ADGRG6: variants seen among roughly 807,000 people sequenced by gnomAD.
ADGRG6 encodes the protein G-protein coupled receptor 126.
Under a neutral mutation model 142.4 loss-of-function variants are expected in ADGRG6, and 84 were observed. The ratio of observed to expected loss-of-function variants is 0.59; its 90% confidence interval spans 0.49 to 0.71. ADGRG6 has a LOEUF of 0.71. ADGRG6 is among the 30% of genes least tolerant of loss of function. The pLI, the probability that ADGRG6 is intolerant of heterozygous loss-of-function variation, is 0.00. For synonymous variants in ADGRG6, 521 were observed against 520.5 expected, an observed-to-expected ratio of 1.00 and a Z score of -0.01; for missense variants, 1,367 against 1,466.6, an observed-to-expected ratio of 0.93 and a Z score of 1.11.
chr6:142,302,707 G>A (rs1346622117), intron 1 of ADGRG6: 2 of 263,454 alleles, frequency 7.6e-6, no homozygotes, highest in Non-Finnish European at 1.4e-5. Flanking sequence ...CCAAGAAGGC[G>A]CTCTCCGGAA....
intron 2 of ADGRG6, among the ~76,000 whole-genome samples, chr6:142,331,363 C>A (rs994357264): frequency 3.9e-5 from 6 of 152,018 alleles, no homozygotes; most frequent in Admixed American, 1.3e-4. Flanking sequence ...CCTAGTGAGA[C>A]ATATCCTGCA....
intron 2 of ADGRG6, among the ~76,000 whole-genome samples, chr6:142,337,708 T>C (rs983976687): frequency 8.5e-5 from 13 of 152,122 alleles, no homozygotes; most frequent in African/African-American, 2.9e-4. Flanking sequence ...GGTCTGTAAA[T>C]GTTGGTTGCA....
rs566018922 is a variant in ADGRG6 at position 142,371,474 on chromosome 6, G to GT, written c.1069+690dup. On this transcript the variant is annotated intron_variant, in intron 4 of 24. Coordinates refer to ENST00000367609, the MANE Select transcript of ADGRG6 (RefSeq NM_198569.3). Reference sequence around the variant, plus strand: ...GAGCCACCCTGCCTGGCCAGTTACTGTTTTTTTTTGTTTTTTTTTTTTTTT... The same window carrying GT: ...GAGCCACCCTGCCTGGCCAGTTACTGTTTTTTTTTTGTTTTTTTTTTTTTTT... Among the ~76,000 whole-genome samples the GT allele has an allele frequency of 2.3e-3, 251 of 108,148 alleles. 2 individuals carry two copies. The highest frequency in any genetic ancestry group is 4.1e-3 in the Admixed American group (45 of 11,032). The allele number at this position is 108,148 out of a possible 152,430, so 70.9% of individuals were successfully genotyped here.
rs907123735 is a variant in ADGRG6, at chr6:142,446,025, C to G, written c.*2510C>G. Reference sequence around the variant, plus strand: ...TATGTCAATTGGTTTCCTTTCTTAGCTTGATATTGCCTAGCTTTGTTGTTT... The same window carrying G: ...TATGTCAATTGGTTTCCTTTCTTAGGTTGATATTGCCTAGCTTTGTTGTTT... On this transcript the variant is annotated 3_prime_UTR_variant, in exon 25 of 25. Coordinates refer to ENST00000367609, the MANE Select transcript of ADGRG6 (RefSeq NM_198569.3). The G allele has an allele frequency of 1.8e-4, 27 of 152,458 alleles. No individual in the cohort carries two copies. The highest frequency in any genetic ancestry group is 6.3e-4 in the African/African-American group (26 of 41,402). 9.4% of individuals were successfully genotyped at this position (152,458 alleles called of 1,614,324 possible). A position where few individuals can be genotyped will look rare whatever the true frequency, so the allele number is the denominator to read the frequency against.
At position 142,394,007 on chromosome 6, in the gene ADGRG6, A is replaced by G. The variant is rs1583083987; in HGVS notation, c.1424+49A>G. On this transcript the variant is annotated intron_variant, in intron 9 of 24. Coordinates refer to ENST00000367609, the MANE Select transcript of ADGRG6 (RefSeq NM_198569.3). Reference sequence around the variant, plus strand: ...GAGTATAACATTCTTTCTCTTGCTCACTACTTTATCTGGTAGAGAAATGAA... The same window carrying G: ...GAGTATAACATTCTTTCTCTTGCTCGCTACTTTATCTGGTAGAGAAATGAA... 3.5e-6 allele frequency: 4 copies of G among 1,142,454 alleles called. No individual in the cohort carries two copies. In the East Asian group the frequency reaches 1.0e-4, roughly 29 times the overall value. 70.8% of individuals were successfully genotyped at this position (1,142,454 alleles called of 1,614,324 possible). A position where few individuals can be genotyped will look rare whatever the true frequency, so the allele number is the denominator to read the frequency against.
intron 4 of ADGRG6, among the ~76,000 whole-genome samples, chr6:142,378,052 A>G (rs571464921): frequency 7.9e-5 from 12 of 152,320 alleles, no homozygotes; most frequent in African/African-American, 2.4e-4. Flanking sequence ...AAATACTGAG[A>G]AGTAATTGTT....
At chr6:142,359,203 TAAAA>T (rs397885145) in intron 2 of ADGRG6, among the ~76,000 whole-genome samples, 2 of 57,280 alleles carry the variant, frequency 3.5e-5, no homozygotes, top group Non-Finnish European at 8.1e-5. Flanking sequence ...CAAGACCCTA[TAAAA>T]AAAAAAAAAA....
chr6:142,306,976 A>G (rs1237665534), intron 1 of ADGRG6, among the ~76,000 whole-genome samples: 1 of 152,126 alleles, frequency 6.6e-6, no homozygotes, highest in Non-Finnish European at 1.5e-5. Context: ...GTCTGGAGAC[A>G]TGGAATGCCT....
intron 2 of ADGRG6, among the ~76,000 whole-genome samples, chr6:142,331,135 T>TAA (rs397975741): frequency 4.4e-4 from 62 of 141,580 alleles, no homozygotes; most frequent in South Asian, 9.2e-4. Context: ...AGAAAAGAGT[T>TAA]AAAAAAAAAA....
intron 4 of ADGRG6, among the ~76,000 whole-genome samples, chr6:142,373,390 C>A (rs1306889733): frequency 6.6e-6 from 1 of 151,602 alleles, no homozygotes; most frequent in Non-Finnish European, 1.5e-5. Context: ...TTGTTTCAAA[C>A]AAATAATATT....
intron 11 of ADGRG6, among the ~76,000 whole-genome samples, chr6:142,401,275 A>G (rs1035448715): frequency 3.3e-5 from 5 of 152,212 alleles, no homozygotes; most frequent in African/African-American, 1.2e-4. Context: ...TGAGTTTGAA[A>G]TGTGGCTCCA....
rs200239701 is a variant in ADGRG6, at chr6:142,416,142, T to TA, written c.2938+87dup. 2,429 of 1,022,076 alleles carry TA rather than the reference T, an allele frequency of 2.4e-3. 21 individuals carry two copies. In the African/African-American group the frequency reaches 0.025, roughly 10 times the overall value. The allele number at this position is 1,022,076 out of a possible 1,614,324, so 63.3% of individuals were successfully genotyped here. On this transcript the variant is annotated intron_variant, in intron 20 of 24. Transcript: ENST00000367609. ...GATTCTCATAGGAAAAAATCTTATT[T>TA]AAAAAAAAATAGTACCATTAAGAGG...
rs112923600 is a variant in ADGRG6, at chr6:142,413,899, TCACACA to T, written c.2542-1037_2542-1032del. On this transcript the variant is annotated intron_variant, in intron 18 of 24. Coordinates refer to ENST00000367609, the MANE Select transcript of ADGRG6 (RefSeq NM_198569.3). ...CCTGAAACTAACCCACATTTCTTTA[TCACACA>T]CACACACACACACACACACACACAC... Among the ~76,000 whole-genome samples the T allele has an allele frequency of 5.2e-3, 738 of 141,480 alleles. 3 individuals are homozygous for T. Among genetic ancestry groups the T allele is most frequent in the African/African-American group, 0.014 (542 of 38,200 alleles). 92.8% of individuals were successfully genotyped at this position (141,480 alleles called of 152,430 possible).
intron 4 of ADGRG6, among the ~76,000 whole-genome samples, chr6:142,379,057 C>T (rs1006294861): frequency 2.0e-5 from 3 of 152,164 alleles, no homozygotes; most frequent in African/African-American, 7.2e-5. Context: ...CCTGGCTACA[C>T]CTCTTACAAA....
intron 3 of ADGRG6, among the ~76,000 whole-genome samples, chr6:142,368,597 A>G (rs1272520419): frequency 1.3e-5 from 2 of 151,970 alleles, no homozygotes; most frequent in African/African-American, 2.4e-5. Flanking sequence ...AGGTACAACT[A>G]TAAAAATGAC....
At chr6:142,440,846 A>C (rs1349524304) in intron 24 of ADGRG6, 10 of 824,416 alleles carry the variant, frequency 1.2e-5, no homozygotes, top group Non-Finnish European at 1.8e-5. Context: ...GCATATCATC[A>C]TGGATATCTA....
chr6:142,334,778 CTG>C (rs896476005), intron 2 of ADGRG6, among the ~76,000 whole-genome samples: 5 of 152,104 alleles, frequency 3.3e-5, no homozygotes, highest in African/African-American at 1.2e-4. Context: ...CTCAGTTTTA[CTG>C]TGTTTCATAA....
intron 4 of ADGRG6, among the ~76,000 whole-genome samples, chr6:142,376,975 C>T (rs1781530582): frequency 6.6e-6 from 1 of 152,190 alleles, no homozygotes; most frequent in Admixed American, 6.5e-5. Context: ...TAAATATTAA[C>T]ATATAGTGAC....
At chr6:142,361,264 T>C (rs1344845008) in intron 2 of ADGRG6, among the ~76,000 whole-genome samples, 1 of 152,200 alleles carries the variant, frequency 6.6e-6, no homozygotes, top group Non-Finnish European at 1.5e-5. Flanking sequence ...AGTAAACTGT[T>C]ATTTAAAGCA....
Sources: gnomAD v4.1 joint callset for allele counts (sites outside exome capture counted in the v4.1 genomes callset) on GRCh38, gnomAD v4.1.1 for gene constraint, MANE v1.5 for transcripts, NCBI Gene and HGNC (gene_info 2026-07-23, HGNC 2026-07-21) for gene names.